The following MAP3K4 variants were observed in gnomAD, a reference collection of about 807,000 sequenced individuals.
The protein encoded by MAP3K4 is mitogen-activated protein kinase kinase kinase 4.
A neutral mutation model predicts 185.6 loss-of-function variants in MAP3K4; 67 were observed. The ratio of observed to expected loss-of-function variants is 0.36; its 90% CI spans 0.30 to 0.44. MAP3K4 has a LOEUF of 0.44. Among genes scored for constraint, MAP3K4 ranks in the 20% least tolerant of loss-of-function variants. MAP3K4 has a pLI of 1.00. For missense variants in MAP3K4, 1,551 were observed against 1,995.1 expected (o/e 0.78, Z 4.24); for synonymous variants, 702 against 710.4 (o/e 0.99, Z 0.19).
chr6:161,015,006 A>G (rs1562481958), intron 1 of MAP3K4, among the ~76,000 whole-genome samples: 1 of 152,184 alleles, frequency 6.6e-6, no homozygotes. Flanking sequence ...AAATTGGATC[A>G]TATAATATGT....
In MAP3K4 at chr6:161,115,772, C is replaced by T. The variant is rs143549610; in HGVS notation, c.4806+470C>T. 1.7e-3 allele frequency among the ~76,000 whole-genome samples: 260 copies of T among 152,124 alleles called. No individual in the cohort carries two copies. The highest frequency in any genetic ancestry group is 3.4e-3 in the Admixed American group (52 of 15,282). On this transcript the variant is annotated intron_variant, in intron 26 of 26. Transcript: ENST00000392142. The surrounding 1 kb of genome is among the most constrained non-coding windows in gnomAD (Gnocchi z 6.0). Reference sequence around the variant, plus strand: ...GCCAGGTCAGAAGTGGGGGAGGGGGCATGGAAGACAAAGTAAAGAAACTTG... The same window carrying T: ...GCCAGGTCAGAAGTGGGGGAGGGGGTATGGAAGACAAAGTAAAGAAACTTG...
chr6:161,108,905 G>T lies in MAP3K4; in HGVS notation c.4236+46G>T. ...CTCTTTGTGTGAGGAATCAGTGAGGGCACAGAATGGAGTCCTGTTCTACAT... is the reference window on the plus strand; with the variant it reads ...CTCTTTGTGTGAGGAATCAGTGAGGTCACAGAATGGAGTCCTGTTCTACAT... On this transcript the variant is annotated intron_variant, in intron 22 of 26. Transcript: ENST00000392142. The surrounding 1 kb of genome is among the most constrained non-coding windows in gnomAD (Gnocchi z 5.7). 6.3e-7 allele frequency: 1 copy of T among 1,590,374 alleles called. No individual in the cohort carries two copies. Among genetic ancestry groups the T allele is most frequent in the East Asian group, 2.2e-5 (1 of 44,756 alleles).
chr6:161,026,430 C>T (rs755432009), intron 1 of MAP3K4, among the ~76,000 whole-genome samples: 25 of 152,092 alleles, frequency 1.6e-4, no homozygotes, highest in Non-Finnish European at 2.2e-4. Flanking sequence ...CCACCGTGCC[C>T]GGTCAGAAGG....
Position 161,093,145 on chromosome 6 carries a change from T to C in MAP3K4, c.3348+89T>C. On this transcript the variant is annotated intron_variant, in intron 14 of 26. Coordinates refer to ENST00000392142, the MANE Select transcript of MAP3K4 (RefSeq NM_005922.4). The surrounding 1 kb of genome is among the most constrained non-coding windows in gnomAD (Gnocchi z 5.2). ...GTATATGTTTTATATGTAATAGTGG[T>C]TTTTTTCATGAGATATTAATCTCAG... is the stretch of plus-strand genomic sequence containing the variant. The C allele has an allele frequency of 2.0e-5, 17 of 836,080 alleles. No individual in the cohort carries two copies. In the South Asian group the frequency reaches 2.7e-4, roughly 13 times the overall value. 51.8% of individuals were successfully genotyped at this position (836,080 alleles called of 1,614,324 possible).
At chr6:161,111,990 T>G (rs758670923) in intron 24 of MAP3K4, 32 bp downstream of exon 24, 7 of 1,611,286 alleles carry the variant, frequency 4.3e-6, no homozygotes, top group Non-Finnish European at 5.9e-6. Context: ...CTTTGCACTC[T>G]GACTTCATGC....
At chr6:161,066,588 C>T (rs1784725124) in intron 3 of MAP3K4, among the ~76,000 whole-genome samples, 1 of 151,974 alleles carries the variant, frequency 6.6e-6, no homozygotes, top group African/African-American at 2.4e-5. Context: ...TTTTATTGTT[C>T]TCTCCTGTTT....
chr6:161,087,804 T>G lies in MAP3K4; in HGVS notation c.2673T>G (p.Asp891Glu), dbSNP rs1785808295. 2 of 1,614,082 alleles carry G rather than the reference T, an allele frequency of 1.2e-6. No homozygotes were observed. Among genetic ancestry groups the G allele is most frequent in the Non-Finnish European group, 1.7e-6 (2 of 1,180,046 alleles). The change falls in exon 10 of 27, where the codon GAT (aspartate) becomes GAG (glutamate). Residue 891 changes from aspartate to glutamate, a missense_variant. Around this residue, in one of 16 missense-constraint regions of MAP3K4, gnomAD observed 261 missense variants for 306.5 expected, o/e 0.85. Coordinates refer to ENST00000392142, the MANE Select transcript of MAP3K4 (RefSeq NM_005922.4). This position sits in a 1 kb window ranked among gnomAD's most constrained non-coding sequence, Gnocchi z 4.9. ...NAAAGKDCSK[D>E]SDDVLIDAYL... ...CTGCAGGAAAGGACTGTTCAAAAGA[T>G]TCAGATGACGTACTCATCGATGCCT... is the stretch of plus-strand genomic sequence containing the variant.
intron 1 of MAP3K4, among the ~76,000 whole-genome samples, chr6:161,011,616 G>A (rs1159292604): frequency 1.3e-5 from 2 of 152,158 alleles, no homozygotes; most frequent in Non-Finnish European, 1.5e-5. Context: ...AAAGTTCAAC[G>A]CCAGAACTGA....
rs1281623077 is a variant in MAP3K4 at position 161,073,749 on chromosome 6, T to C, written c.2097+137T>C. On this transcript the variant is annotated intron_variant, in intron 5 of 26. Coordinates refer to ENST00000392142, the MANE Select transcript of MAP3K4 (RefSeq NM_005922.4). The surrounding 1 kb of genome is among the most constrained non-coding windows in gnomAD (Gnocchi z 4.2). ...CTTCTCTAGTAATGAATTATAGAAA[T>C]GATCCCTGAAAGTATAGCTTGTGTG... 3 of 890,522 alleles carry C rather than the reference T, an allele frequency of 3.4e-6. No individual in the cohort carries two copies. In the African/African-American group the frequency reaches 5.2e-5, roughly 15 times the overall value. 55.2% of individuals were successfully genotyped at this position (890,522 alleles called of 1,614,324 possible). A position where few individuals can be genotyped will look rare whatever the true frequency, so the allele number is the denominator to read the frequency against.
chr6:161,045,720 C>G (rs1406463617), intron 2 of MAP3K4, among the ~76,000 whole-genome samples: 1 of 152,176 alleles, frequency 6.6e-6, no homozygotes, highest in Non-Finnish European at 1.5e-5. Context: ...TCAACTATTA[C>G]TTTCCAATTA....
chr6:161,010,972 A>G (rs1562479451), intron 1 of MAP3K4, among the ~76,000 whole-genome samples: 1 of 152,126 alleles, frequency 6.6e-6, no homozygotes, highest in Non-Finnish European at 1.5e-5. Flanking sequence ...AAAGAACTGT[A>G]CCACCTCTGG....
rs754467093 is a variant in MAP3K4 at position 161,049,070 on chromosome 6, A to G, written c.798A>G (p.Leu266=). 6.2e-7 allele frequency: 1 copy of G among 1,614,186 alleles called. No homozygotes were observed. Among genetic ancestry groups the G allele is most frequent in the East Asian group, 2.2e-5 (1 of 44,884 alleles). The stretch of plus-strand genomic sequence containing the variant: ...ACCGATCTAACGAACTGATCTGGTT[A>G]GAGCTACAAGCCTGGCATGCAGGAC... ...WLNRSNELIW[L]ELQAWHAGRT... The change falls in exon 3 of 27, where the codon TTA becomes TTG. Residue 266 remains leucine, a synonymous_variant. Transcript: ENST00000392142. This position sits in a 1 kb window ranked among gnomAD's most constrained non-coding sequence, Gnocchi z 8.4.
Position 161,089,331 on chromosome 6 carries a change from C to T in MAP3K4, c.2833C>T (p.Leu945Phe). The T allele has an allele frequency of 6.8e-6, 11 of 1,613,330 alleles. No individual in the cohort carries two copies. The highest frequency in any genetic ancestry group is 9.3e-6 in the Non-Finnish European group (11 of 1,179,850). Residue 945 changes from leucine (L) to phenylalanine (F), a missense_variant, in exon 11 of 27, where the codon CTT becomes TTT. Physicochemically the swap from Leu to Phe is conservative, Grantham distance 22. This residue lies in a region of MAP3K4 where 261 missense variants were observed against 306.5 expected (regional missense o/e 0.85). Coordinates refer to ENST00000392142, the MANE Select transcript of MAP3K4 (RefSeq NM_005922.4). Reference protein sequence around the residue: ...DTLRSMQVDNLLLVVMQSAHL... With the variant: ...DTLRSMQVDNFLLVVMQSAHL... The stretch of plus-strand genomic sequence containing the variant: ...TTGATTTTCCTCCCAGGTGGATAAT[C>T]TTTTACTAGTTGTCATGCAGTCTGC...
rs1334801925 is a variant in MAP3K4 at position 161,110,142 on chromosome 6, T to A, written c.4396+228T>A. 6.6e-6 allele frequency among the ~76,000 whole-genome samples: 1 copy of A among 152,236 alleles called. No homozygotes were observed. Reference sequence around the variant, plus strand: ...GTTCAACACTGCTTTTAGAGAAATCTGTTTTCCCAAAATGAAGTTTGCTAT... The same window carrying A: ...GTTCAACACTGCTTTTAGAGAAATCAGTTTTCCCAAAATGAAGTTTGCTAT... On this transcript the variant is annotated intron_variant, in intron 23 of 26. Transcript: ENST00000392142. This position sits in a 1 kb window ranked among gnomAD's most constrained non-coding sequence, Gnocchi z 4.8.
chr6:161,002,750 C>T (rs1036358869), intron 1 of MAP3K4, among the ~76,000 whole-genome samples: 2 of 151,888 alleles, frequency 1.3e-5, no homozygotes, highest in African/African-American at 4.8e-5. Flanking sequence ...TGCCACCATG[C>T]CCGGCTAATT....
Position 161,082,606 on chromosome 6 carries a change from T to A in MAP3K4, c.2255+1568T>A, listed in dbSNP as rs1314298107. On this transcript the variant is annotated intron_variant, in intron 6 of 26. Coordinates refer to ENST00000392142, the MANE Select transcript of MAP3K4 (RefSeq NM_005922.4). The surrounding 1 kb of genome is among the most constrained non-coding windows in gnomAD (Gnocchi z 4.2). The stretch of plus-strand genomic sequence containing the variant: ...TTATCTGTTGTATTAGAGCAGCAGC[T>A]CCGGCTTCAAACACTGTTTCTCCCA... 6.6e-6 allele frequency among the ~76,000 whole-genome samples: 1 copy of A among 152,124 alleles called. No homozygotes were observed. The highest frequency in any genetic ancestry group is 2.1e-4 in the South Asian group (1 of 4,826).
At position 161,082,609 on chromosome 6, in the gene MAP3K4, G is replaced by A. The variant is rs1220943813; in HGVS notation, c.2255+1571G>A. On this transcript the variant is annotated intron_variant, in intron 6 of 26. Transcript: ENST00000392142. The surrounding 1 kb of genome is among the most constrained non-coding windows in gnomAD (Gnocchi z 4.2). ...TCTGTTGTATTAGAGCAGCAGCTCC[G>A]GCTTCAAACACTGTTTCTCCCAGGG... Among the ~76,000 whole-genome samples the A allele has an allele frequency of 2.0e-5, 3 of 151,974 alleles. No homozygotes were observed. Among genetic ancestry groups the A allele is most frequent in the African/African-American group, 4.8e-5 (2 of 41,384 alleles).
At position 161,049,481 on chromosome 6, in the gene MAP3K4, A is replaced by G. The variant is rs767244002; in HGVS notation, c.1209A>G (p.Leu403=). 1 of 1,614,188 alleles carries G rather than the reference A, an allele frequency of 6.2e-7. No individual in the cohort carries two copies. The highest frequency in any genetic ancestry group is 1.7e-5 in the Admixed American group (1 of 60,018). The change falls in exon 3 of 27, where the codon TTA becomes TTG. Residue 403 remains leucine (L), a synonymous_variant. Transcript: ENST00000392142. This position sits in a 1 kb window ranked among gnomAD's most constrained non-coding sequence, Gnocchi z 8.4. ...LCLWLNITKD[L]NQKLRIMGTV... is the part of the protein sequence containing the mutation. ...TGTGGTTAAACATCACAAAAGACTTAAATCAGAAATTAAGGATTATGGGCA... is the reference window on the plus strand; with the variant it reads ...TGTGGTTAAACATCACAAAAGACTTGAATCAGAAATTAAGGATTATGGGCA...
At position 160,991,874 on chromosome 6, in the gene MAP3K4, G is replaced by A; in HGVS notation, c.-58G>A. ...CACTCCCGCACTTCGGGGCTCCGGT[G>A]CCCCGCGCCAGGCTGCAGCTTACTG... On this transcript the variant is annotated 5_prime_UTR_variant, in exon 1 of 27. Transcript: ENST00000392142. The surrounding 1 kb of genome is among the most constrained non-coding windows in gnomAD (Gnocchi z 5.7). 6.9e-7 allele frequency: 1 copy of A among 1,439,704 alleles called. No homozygotes were observed. Among genetic ancestry groups the A allele is most frequent in the East Asian group, 2.9e-5 (1 of 34,110 alleles). 89.2% of individuals were successfully genotyped at this position (1,439,704 alleles called of 1,614,324 possible).
Sources: gnomAD v4.1 joint callset for allele counts (sites outside exome capture counted in the v4.1 genomes callset) on GRCh38, gnomAD v4.1.1 for gene constraint, gnomAD v4.1.1 regional missense constraint, Gnocchi (gnomAD v3.1) non-coding constraint, MANE v1.5 for transcripts, NCBI Gene and HGNC (gene_info 2026-07-23, HGNC 2026-07-21) for gene names.